Variants in CDC42BPA observed in about 807,000 individuals in gnomAD.
The protein encoded by CDC42BPA is serine/threonine-protein kinase MRCK alpha.
A neutral mutation model predicts 223.5 loss-of-function variants in CDC42BPA; 80 were observed. The ratio of observed to expected loss-of-function variants is 0.36; its 90% CI spans 0.30 to 0.43. CDC42BPA has a LOEUF of 0.43. CDC42BPA is among the 20% of genes least tolerant of loss of function. The pLI, the probability that CDC42BPA is intolerant of heterozygous loss-of-function variation, is 1.00. For synonymous variants in CDC42BPA, 694 were observed against 718.6 expected (o/e 0.97, Z 0.55); for missense variants, 1,743 against 2,099.9 (o/e 0.83, Z 3.32).
intron 21 of CDC42BPA, 200 bp downstream of exon 21, chr1:227,069,577 A>C (rs1677853149): frequency 2.6e-6 from 1 of 390,318 alleles, no homozygotes; most frequent in African/African-American, 2.1e-5. Flanking sequence ...TCTTTCTTAG[A>C]TGTTTTGTTA....
chr1:227,179,819 TGAC>T (rs1667641323), intron 5 of CDC42BPA, among the ~76,000 whole-genome samples: 1 of 151,678 alleles, frequency 6.6e-6, no homozygotes, highest in East Asian at 1.9e-4. Flanking sequence ...AATATATAAA[TGAC>T]TACTATTAAT....
At chr1:226,996,808 C>T (rs2148248264) in intron 35 of CDC42BPA, among the ~76,000 whole-genome samples, 1 of 152,292 alleles carries the variant, frequency 6.6e-6, no homozygotes, top group East Asian at 1.9e-4. Context: ...AGGGATGAAG[C>T]CGACTTGATC....
intron 10 of CDC42BPA, among the ~76,000 whole-genome samples, chr1:227,135,650 C>T (rs931314345): frequency 1.9e-4 from 29 of 151,898 alleles, no homozygotes; most frequent in Middle Eastern, 3.4e-3. Context: ...GTCAGGAGAT[C>T]GAGACTATCC....
intron 15 of CDC42BPA, 58 bp from the exon 16 acceptor site, chr1:227,092,049 G>C: frequency 3.1e-6 from 3 of 956,368 alleles, no homozygotes; most frequent in South Asian, 3.2e-5. Flanking sequence ...TTGAAAACTT[G>C]AAATTATTTT....
intron 20 of CDC42BPA, 114 bp from the exon 21 acceptor site, chr1:227,069,967 G>A: frequency 1.6e-6 from 1 of 613,570 alleles, no homozygotes; most frequent in Non-Finnish European, 2.9e-6. Flanking sequence ...GTATTTCAAA[G>A]TTGATCACTA....
Position 226,992,017 on chromosome 1 carries a change from GAGAGTGAGGAGGGTGGGGA to G in CDC42BPA, c.*2232_*2250del. Reference sequence around the variant, plus strand: ...GAGGAGGAGAGGAGGGGAGGGTGGGGAGAGTGAGGAGGGTGGGGAGAGTGAGGAGGGTGGGGAGAGTGGG... The same window carrying G: ...GAGGAGGAGAGGAGGGGAGGGTGGGGGAGTGAGGAGGGTGGGGAGAGTGGG... On this transcript the variant is annotated 3_prime_UTR_variant, in exon 37 of 37. Transcript: ENST00000366766. 1 of 4,680 alleles carries G rather than the reference GAGAGTGAGGAGGGTGGGGA, an allele frequency of 2.1e-4. No individual in the cohort carries two copies. The highest frequency in any genetic ancestry group is 2.3e-3 in the Admixed American group (1 of 440). 0.3% of individuals were successfully genotyped at this position (4,680 alleles called of 1,614,324 possible). A position where few individuals can be genotyped will look rare whatever the true frequency, so the allele number is the denominator to read the frequency against.
At chr1:227,032,441 T>G (rs576376387) in intron 27 of CDC42BPA, among the ~76,000 whole-genome samples, 13 of 150,072 alleles carry the variant, frequency 8.7e-5, no homozygotes, top group African/African-American at 3.2e-4. Flanking sequence ...GGGCAGTAGT[T>G]TTTTTTTTTA....
At chr1:227,026,976 A>G (rs1668374307) in intron 30 of CDC42BPA, among the ~76,000 whole-genome samples, 1 of 152,158 alleles carries the variant, frequency 6.6e-6, no homozygotes, top group African/African-American at 2.4e-5. Context: ...AATTTTTTAT[A>G]GAGACAGGTT....
At chr1:227,125,336 G>A (rs964447207) in intron 11 of CDC42BPA, among the ~76,000 whole-genome samples, 2 of 151,976 alleles carry the variant, frequency 1.3e-5, no homozygotes, top group Admixed American at 6.6e-5. Context: ...AAAATGCTGG[G>A]TGTGGTTACT....
chr1:227,317,452 CG>C lies in CDC42BPA; in HGVS notation c.-271del. 2.5e-6 allele frequency: 1 copy of C among 396,264 alleles called. No individual in the cohort carries two copies. Among genetic ancestry groups the C allele is most frequent in the East Asian group, 3.6e-5 (1 of 27,902 alleles). 24.5% of individuals were successfully genotyped at this position (396,264 alleles called of 1,614,324 possible). A position where few individuals can be genotyped will look rare whatever the true frequency, so the allele number is the denominator to read the frequency against. On this transcript the variant is annotated 5_prime_UTR_variant, in exon 1 of 37. Transcript: ENST00000366766. ...CATTTTTAAAAGAATACAATTAAGT[CG>C]TATATTTAAATAAAATAATAATTAA...
At chr1:227,126,277 A>C (rs1016468257) in intron 11 of CDC42BPA, among the ~76,000 whole-genome samples, 2 of 151,828 alleles carry the variant, frequency 1.3e-5, no homozygotes, top group African/African-American at 2.4e-5. Context: ...AGTACTAAAA[A>C]CTCTTAAATG....
At chr1:227,121,803 T>C (rs981420309) in intron 11 of CDC42BPA, among the ~76,000 whole-genome samples, 1 of 72,302 alleles carries the variant, frequency 1.4e-5, no homozygotes, top group East Asian at 4.4e-4. Flanking sequence ...CTTTTTTTTC[T>C]TTTTTTTTTT....
chr1:227,183,809 T>C (rs540480092), intron 5 of CDC42BPA, among the ~76,000 whole-genome samples: 1 of 152,376 alleles, frequency 6.6e-6, no homozygotes, highest in East Asian at 1.9e-4. Flanking sequence ...TTTCTATTTC[T>C]ACCAGCAACA....
In CDC42BPA at chr1:227,034,685, C is replaced by G. The variant is rs1383718398; in HGVS notation, c.3446G>C (p.Ser1149Thr). Reference sequence around the variant, plus strand: ...GTCAATCACTTGACTAATGACAACACTGGGCTGAGATGCTTTTCCTTCAGC... The same window carrying G: ...GTCAATCACTTGACTAATGACAACAGTGGGCTGAGATGCTTTTCCTTCAGC... ...DIAEGKASQP[S>T]VVISQVIDMR... Residue 1149 changes from serine to threonine, a missense_variant, in exon 26 of 37, where the codon AGT (serine) becomes ACT (threonine). Transcript: ENST00000366766. 1 of 1,613,440 alleles carries G rather than the reference C, an allele frequency of 6.2e-7. No individual in the cohort carries two copies. The highest frequency in any genetic ancestry group is 8.5e-7 in the Non-Finnish European group (1 of 1,179,616).
At chr1:227,069,991 AT>A in intron 20 of CDC42BPA, 138 bp from the exon 21 acceptor site, 1 of 512,014 alleles carries the variant, frequency 2.0e-6, no homozygotes, top group Non-Finnish European at 3.5e-6. Flanking sequence ...TTAACTCTAC[AT>A]TTAAACAAAA....
At chr1:227,049,438 T>C (rs1375965517) in intron 22 of CDC42BPA, among the ~76,000 whole-genome samples, 2 of 152,132 alleles carry the variant, frequency 1.3e-5, no homozygotes, top group African/African-American at 4.8e-5. Context: ...ATCCCTAATA[T>C]GTATACCATG....
chr1:227,057,489 C>T (rs1674827471), intron 21 of CDC42BPA, among the ~76,000 whole-genome samples: 1 of 152,152 alleles, frequency 6.6e-6, no homozygotes, highest in African/African-American at 2.4e-5. Flanking sequence ...ATGTGTCCTA[C>T]TGAAATACAC....
At chr1:227,064,676 G>A (rs1192680282) in intron 21 of CDC42BPA, among the ~76,000 whole-genome samples, 1 of 152,194 alleles carries the variant, frequency 6.6e-6, no homozygotes, top group African/African-American at 2.4e-5. Context: ...GATGAGGGTA[G>A]AAGTGGGAAT....
At position 227,129,187 on chromosome 1, in the gene CDC42BPA, C is replaced by T. The variant is rs878860977; in HGVS notation, c.1435G>A (p.Gly479Ser). ...AAATCTTTGCTTGCTGTTAGTGGAC[C>T]ATCAACAGTTGAATACTGCAGAGCT... ...VQALQYSTVD[G>S]PLTASKDLEI... Residue 479 changes from glycine to serine, a missense_variant, in exon 11 of 37, where the codon GGT becomes AGT. By Grantham distance (56) the Gly-to-Ser change is moderately conservative. Around this residue, in one of 6 missense-constraint regions of CDC42BPA, gnomAD observed 464 missense variants for 488.0 expected, o/e 0.95. Coordinates refer to ENST00000366766, the MANE Select transcript of CDC42BPA (RefSeq NM_001394014.1). 3.8e-6 allele frequency: 6 copies of T among 1,592,956 alleles called. No individual in the cohort carries two copies. In the Admixed American group the frequency reaches 8.5e-5, roughly 23 times the overall value.
Sources: gnomAD v4.1 joint callset for allele counts (sites outside exome capture counted in the v4.1 genomes callset) on GRCh38, gnomAD v4.1.1 for gene constraint, gnomAD v4.1.1 regional missense constraint, MANE v1.5 for transcripts, NCBI Gene and HGNC (gene_info 2026-07-23, HGNC 2026-07-21) for gene names.